The following LRFN5 variants were observed in gnomAD, a reference collection of about 807,000 sequenced individuals.
The protein encoded by LRFN5 is leucine rich repeat and fibronectin type III domain containing 5, also known as leucine-rich repeat and fibronectin type-III domain-containing protein 5.
Under a neutral mutation model 45.6 loss-of-function variants are expected in LRFN5, and 24 were observed. The observed-to-expected ratio is 0.53, with a 90% CI of 0.38 to 0.74. The LOEUF is 0.74. Among genes scored for constraint, LRFN5 ranks in the 30% least tolerant of loss-of-function variants. LRFN5 has a pLI of 0.00. For missense variants in LRFN5, 776 were observed against 861.5 expected, an observed-to-expected ratio of 0.90 and a Z score of 1.24; for synonymous variants, 340 against 313.8, an observed-to-expected ratio of 1.08 and a Z score of -0.88.
intron 1 of LRFN5, among the ~76,000 whole-genome samples, chr14:41,714,358 A>G (rs913226439): frequency 3.3e-5 from 5 of 152,160 alleles, no homozygotes; most frequent in African/African-American, 1.2e-4. Flanking sequence ...GAATCAACAT[A>G]TTATTTACCC....
chr14:41,721,984 G>T (rs547461886), intron 1 of LRFN5, among the ~76,000 whole-genome samples: 3 of 151,928 alleles, frequency 2.0e-5, no homozygotes, highest in Admixed American at 2.0e-4. Flanking sequence ...TACTTTTTTT[G>T]TTGATTCCAA....
rs112159027 is a variant in LRFN5, at chr14:41,815,305, T to A, written c.-21+48276T>A. 6.9e-3 allele frequency among the ~76,000 whole-genome samples: 1,049 copies of A among 152,302 alleles called. 12 individuals are homozygous for A. Among genetic ancestry groups the A allele is most frequent in the African/African-American group, 0.024 (1,003 of 41,566 alleles). On this transcript the variant is annotated intron_variant, in intron 2 of 5. Transcript: ENST00000298119. ...TTATTGTGTAATGCCCCTCTTTATATGTAATTAATATCCTTGGTCTGAAGT... is the reference window on the plus strand; with the variant it reads ...TTATTGTGTAATGCCCCTCTTTATAAGTAATTAATATCCTTGGTCTGAAGT...
intron 2 of LRFN5, among the ~76,000 whole-genome samples, chr14:41,784,465 T>G (rs2138926939): frequency 6.6e-6 from 1 of 152,234 alleles, no homozygotes; most frequent in East Asian, 1.9e-4. Context: ...TTCCTTCCTC[T>G]TTGTCTTTCT....
intron 1 of LRFN5, among the ~76,000 whole-genome samples, chr14:41,662,308 C>G (rs554367162): frequency 3.3e-5 from 5 of 152,112 alleles, no homozygotes; most frequent in African/African-American, 1.2e-4. Flanking sequence ...AATGCTTATA[C>G]ATATTCAAAT....
intron 1 of LRFN5, among the ~76,000 whole-genome samples, chr14:41,659,552 T>G (rs1417436212): frequency 2.6e-5 from 4 of 152,156 alleles, no homozygotes; most frequent in Non-Finnish European, 4.4e-5. Context: ...TTTATAATCC[T>G]TTGGGTATAT....
intron 1 of LRFN5, among the ~76,000 whole-genome samples, chr14:41,754,741 G>A (rs1885297863): frequency 6.6e-6 from 1 of 151,976 alleles, no homozygotes; most frequent in South Asian, 2.1e-4. Context: ...GATTTTTGAA[G>A]CGTTTTTTGT....
chr14:41,668,978 C>T (rs562539313), intron 1 of LRFN5, among the ~76,000 whole-genome samples: 97 of 151,828 alleles, frequency 6.4e-4, no homozygotes, highest in African/African-American at 2.2e-3. Context: ...CAATTATGAT[C>T]TATATAAAGA....
chr14:41,824,650 A>G (rs1888232798), intron 2 of LRFN5, among the ~76,000 whole-genome samples: 1 of 152,184 alleles, frequency 6.6e-6, no homozygotes, highest in South Asian at 2.1e-4. Context: ...CTGTAGCAGA[A>G]GCAAATCGGT....
At position 41,670,067 on chromosome 14, in the gene LRFN5, A is replaced by G. The variant is rs762950116; in HGVS notation, c.-197+61505A>G. Among the ~76,000 whole-genome samples the G allele has an allele frequency of 3.4e-5, 5 of 148,892 alleles. No homozygotes were observed. In the East Asian group the frequency reaches 5.9e-4, roughly 18 times the overall value. ...AATGTATAATAAAATGTTTTACTAT[A>G]TGCACCTATATATACACATATATAC... is the stretch of plus-strand genomic sequence containing the variant. On this transcript the variant is annotated intron_variant, in intron 1 of 5. Transcript: ENST00000298119.
chr14:41,662,898 A>G (rs928877076), intron 1 of LRFN5, among the ~76,000 whole-genome samples: 5 of 152,106 alleles, frequency 3.3e-5, no homozygotes, highest in Non-Finnish European at 5.9e-5. Flanking sequence ...CAATATACCC[A>G]TTACTGACAT....
At chr14:41,760,157 G>A (rs1182869112) in intron 1 of LRFN5, among the ~76,000 whole-genome samples, 1 of 152,102 alleles carries the variant, frequency 6.6e-6, no homozygotes, top group African/African-American at 2.4e-5. Context: ...CATGAACACA[G>A]TAAAAATACG....
intron 1 of LRFN5, among the ~76,000 whole-genome samples, chr14:41,681,560 A>T (rs1250040095): frequency 6.6e-6 from 1 of 152,058 alleles, no homozygotes; most frequent in Non-Finnish European, 1.5e-5. Context: ...ATCAAATATA[A>T]GGGAGAAATA....
intron 2 of LRFN5, among the ~76,000 whole-genome samples, chr14:41,849,054 A>C (rs1889171483): frequency 6.6e-6 from 1 of 152,078 alleles, no homozygotes. Flanking sequence ...ACACATGAGA[A>C]TCAACTTGCG....
chr14:41,655,058 G>A (rs974392004), intron 1 of LRFN5, among the ~76,000 whole-genome samples: 6 of 151,960 alleles, frequency 3.9e-5, no homozygotes, highest in South Asian at 4.1e-4. Flanking sequence ...CCTTGTTTGG[G>A]TTGTTAATTC....
chr14:41,647,059 G>A (rs955401547), intron 1 of LRFN5, among the ~76,000 whole-genome samples: 2 of 152,066 alleles, frequency 1.3e-5, no homozygotes, highest in Non-Finnish European at 2.9e-5. Context: ...CACTTTTATT[G>A]GTATATATCA....
intron 2 of LRFN5, among the ~76,000 whole-genome samples, chr14:41,814,236 A>T (rs1887840598): frequency 6.6e-6 from 1 of 152,106 alleles, no homozygotes; most frequent in South Asian, 2.1e-4. Flanking sequence ...TTCTTTGCTT[A>T]TGCCTATGTC....
chr14:41,890,244 G>A (rs766379129), intron 3 of LRFN5, among the ~76,000 whole-genome samples: 1 of 152,126 alleles, frequency 6.6e-6, no homozygotes, highest in Non-Finnish European at 1.5e-5. Flanking sequence ...ATGGAAATTT[G>A]CGGTAGCATA....
chr14:41,651,604 T>A (rs1880129479), intron 1 of LRFN5, among the ~76,000 whole-genome samples: 1 of 152,284 alleles, frequency 6.6e-6, no homozygotes, highest in Admixed American at 6.5e-5. Flanking sequence ...AACCATCCTT[T>A]AGAAAGAATT....
intron 1 of LRFN5, among the ~76,000 whole-genome samples, chr14:41,647,141 A>G (rs1000393288): frequency 1.3e-5 from 2 of 152,200 alleles, no homozygotes; most frequent in African/African-American, 2.4e-5. Context: ...TGTTTAACCA[A>G]TAGCTCCTCT....
Sources: gnomAD v4.1 joint callset for allele counts (sites outside exome capture counted in the v4.1 genomes callset) on GRCh38, gnomAD v4.1.1 for gene constraint, MANE v1.5 for transcripts, NCBI Gene and HGNC (gene_info 2026-07-23, HGNC 2026-07-21) for gene names.